Variants in MLLT3 observed in about 807,000 individuals in gnomAD.
MLLT3 encodes the protein protein AF-9.
MLLT3 carries 4 observed loss-of-function variants against 53.2 expected under a neutral mutation model. That is an observed-to-expected ratio of 0.08 (90% CI 0.04 to 0.17). The LOEUF (loss-of-function observed/expected upper bound fraction) is 0.17. Ranked by LOEUF, MLLT3 falls within the 10% of genes least tolerant of loss-of-function variation. The pLI, the probability that MLLT3 is intolerant of heterozygous loss-of-function variation, is 1.00. For synonymous variants in MLLT3, 283 were observed against 230.6 expected (o/e 1.23, Z -2.06); for missense variants, 569 against 684.0 (o/e 0.83, Z 1.87).
chr9:20,618,636 T>C (rs1254416484), intron 2 of MLLT3, among the ~76,000 whole-genome samples: 1 of 152,164 alleles, frequency 6.6e-6, no homozygotes, highest in African/African-American at 2.4e-5. Context: ...CAAGCAGACA[T>C]CTCTCACCAG....
At chr9:20,443,829 T>C (rs924095591) in intron 4 of MLLT3, among the ~76,000 whole-genome samples, 6 of 152,214 alleles carry the variant, frequency 3.9e-5, no homozygotes, top group African/African-American at 1.4e-4. Context: ...AACACTGCCA[T>C]ATCCGTTTCA....
chr9:20,372,005 C>T (rs554215810), intron 5 of MLLT3, among the ~76,000 whole-genome samples: 2 of 152,184 alleles, frequency 1.3e-5, no homozygotes, highest in Admixed American at 6.5e-5. Flanking sequence ...TGGATGACTT[C>T]GAGGGGTTCA....
chr9:20,455,566 T>C (rs551358084), intron 3 of MLLT3, among the ~76,000 whole-genome samples: 5 of 152,280 alleles, frequency 3.3e-5, no homozygotes, highest in African/African-American at 9.6e-5. Context: ...GCTAATGCTA[T>C]CCAAAGAACC....
chr9:20,551,025 A>G (rs188495883), intron 2 of MLLT3, among the ~76,000 whole-genome samples: 1 of 152,332 alleles, frequency 6.6e-6, no homozygotes, highest in Non-Finnish European at 1.5e-5. Context: ...TTAGCCTTCC[A>G]AAGACTGGGA....
intron 5 of MLLT3, among the ~76,000 whole-genome samples, chr9:20,391,502 C>T (rs942161552): frequency 1.3e-5 from 2 of 152,164 alleles, no homozygotes; most frequent in African/African-American, 4.8e-5. Context: ...CAAGCTAGAT[C>T]TAATAGGCAA....
At chr9:20,577,515 C>A (rs543001553) in intron 2 of MLLT3, among the ~76,000 whole-genome samples, 1 of 152,288 alleles carries the variant, frequency 6.6e-6, no homozygotes, top group African/African-American at 2.4e-5. Context: ...ATTCTCCCAG[C>A]AAGACAAAGA....
At chr9:20,519,603 A>C (rs1407072599) in intron 2 of MLLT3, among the ~76,000 whole-genome samples, 1 of 152,200 alleles carries the variant, frequency 6.6e-6, no homozygotes, top group African/African-American at 2.4e-5. Context: ...AAAAAGCTCA[A>C]CATCACTGAT....
rs1186061041 is a variant in MLLT3 at position 20,620,299 on chromosome 9, A to T, written c.193+355T>A. Among the ~76,000 whole-genome samples the T allele has an allele frequency of 1.4e-5, 2 of 146,782 alleles. No homozygotes were observed. Among genetic ancestry groups the T allele is most frequent in the Non-Finnish European group, 3.0e-5 (2 of 66,952 alleles). On this transcript the variant is annotated intron_variant, in intron 2 of 10. Transcript: ENST00000380338. The surrounding 1 kb of genome is among the most constrained non-coding windows in gnomAD (Gnocchi z 6.1). ...CACACACACACACACACACACGCGC[A>T]AAGTGTTTATTCCCTCCAGCCCGAT...
intron 2 of MLLT3, among the ~76,000 whole-genome samples, chr9:20,541,267 C>T (rs1271160403): frequency 1.3e-5 from 2 of 152,188 alleles, no homozygotes; most frequent in African/African-American, 4.8e-5. Flanking sequence ...GTCCTCTGAA[C>T]TGTTCCAACC....
At chr9:20,440,888 T>A (rs1823530851) in intron 4 of MLLT3, among the ~76,000 whole-genome samples, 1 of 152,110 alleles carries the variant, frequency 6.6e-6, no homozygotes, top group Admixed American at 6.6e-5. Context: ...AGTGACAACT[T>A]TAAGATATCA....
chr9:20,479,156 AC>A (rs2118901951), intron 2 of MLLT3, among the ~76,000 whole-genome samples: 1 of 152,298 alleles, frequency 6.6e-6, no homozygotes, highest in South Asian at 2.1e-4. Context: ...GGTTTCCTTT[AC>A]AAGTTTAAAT....
intron 10 of MLLT3, among the ~76,000 whole-genome samples, chr9:20,349,520 G>T (rs975692834): frequency 1.3e-5 from 2 of 149,070 alleles, no homozygotes; most frequent in African/African-American, 5.0e-5. Flanking sequence ...AACTCAGAAA[G>T]GCCGGCTTGA....
At chr9:20,508,800 T>C (rs1252468881) in intron 2 of MLLT3, among the ~76,000 whole-genome samples, 1 of 152,210 alleles carries the variant, frequency 6.6e-6, no homozygotes, top group African/African-American at 2.4e-5. Flanking sequence ...AAACAAAATA[T>C]GGCTAAGCAT....
In MLLT3 at chr9:20,342,430, T is replaced by A. The variant is rs1466912399; in HGVS notation, c.*4013A>T. Reference sequence around the variant, plus strand: ...AAATGTATTGGCCTTGCACTGTTAATCTCAATAATACATTTTCACTTAATT... The same window carrying A: ...AAATGTATTGGCCTTGCACTGTTAAACTCAATAATACATTTTCACTTAATT... On this transcript the variant is annotated 3_prime_UTR_variant, in exon 11 of 11. Transcript: ENST00000380338. 4.5e-6 allele frequency: 1 copy of A among 222,672 alleles called. No individual in the cohort carries two copies. Among genetic ancestry groups the A allele is most frequent in the Non-Finnish European group, 9.0e-6 (1 of 111,546 alleles). The allele number at this position is 222,672 out of a possible 1,614,324, so 13.8% of individuals were successfully genotyped here.
chr9:20,388,110 T>C (rs868406181), intron 5 of MLLT3, among the ~76,000 whole-genome samples: 3 of 152,328 alleles, frequency 2.0e-5, no homozygotes, highest in East Asian at 1.9e-4. Context: ...TGTAACCAAA[T>C]TGATTCTTGC....
intron 2 of MLLT3, among the ~76,000 whole-genome samples, chr9:20,572,707 T>C (rs1433104145): frequency 6.6e-6 from 1 of 152,064 alleles, no homozygotes; most frequent in African/African-American, 2.4e-5. Context: ...GGCGGAAGGA[T>C]TGCTTGAACC....
chr9:20,411,920 C>T (rs1013617273), intron 5 of MLLT3: 4 of 152,078 alleles, frequency 2.6e-5, no homozygotes, highest in Non-Finnish European at 1.5e-5. Flanking sequence ...TAAAAAGGTG[C>T]CTTTCAAAAT....
chr9:20,477,548 G>C (rs140932761), intron 2 of MLLT3, among the ~76,000 whole-genome samples: 485 of 152,198 alleles, frequency 3.2e-3, no homozygotes, highest in African/African-American at 0.01. Flanking sequence ...CTAATGACCA[G>C]AAGGATGACA....
chr9:20,481,277 C>G (rs1156718969), intron 2 of MLLT3, among the ~76,000 whole-genome samples: 2 of 152,108 alleles, frequency 1.3e-5, no homozygotes, highest in Non-Finnish European at 2.9e-5. Context: ...ATTTAATCTC[C>G]CATTAAGATT....
Sources: gnomAD v4.1 joint callset for allele counts (sites outside exome capture counted in the v4.1 genomes callset) on GRCh38, gnomAD v4.1.1 for gene constraint, Gnocchi (gnomAD v3.1) non-coding constraint, MANE v1.5 for transcripts, NCBI Gene and HGNC (gene_info 2026-07-23, HGNC 2026-07-21) for gene names.